LUZP2: variants seen among roughly 807,000 people sequenced by gnomAD.
LUZP2 encodes leucine zipper protein 2.
LUZP2 carries 52 observed loss-of-function variants against 51.6 expected under a neutral mutation model. The ratio of observed to expected loss-of-function variants is 1.01; its 90% CI spans 0.81 to 1.27. The LOEUF (loss-of-function observed/expected upper bound fraction) is 1.27. Ranked by LOEUF, LUZP2 falls within the 50% of genes most tolerant of loss-of-function variation. The pLI is 0.00. For synonymous variants in LUZP2, 154 were observed against 137.3 expected (o/e 1.12, Z -0.85); for missense variants, 436 against 395.4 (o/e 1.10, Z -0.87).
At chr11:24,971,912 G>A (rs1473980250) in intron 7 of LUZP2, among the ~76,000 whole-genome samples, 1 of 152,000 alleles carries the variant, frequency 6.6e-6, no homozygotes, top group East Asian at 1.9e-4. Context: ...GGCTGAGGCA[G>A]GCAGATCATC....
chr11:24,873,724 G>T (rs1246403523), intron 5 of LUZP2, among the ~76,000 whole-genome samples: 1 of 152,122 alleles, frequency 6.6e-6, no homozygotes, highest in African/African-American at 2.4e-5. Context: ...AAAGAGCCCA[G>T]GGCCTGGGTT....
At chr11:24,732,065 GA>G in intron 2 of LUZP2, 52 bp from the exon 3 acceptor site, 1 of 1,367,450 alleles carries the variant, frequency 7.3e-7, no homozygotes, top group South Asian at 1.2e-5. Flanking sequence ...AAGTTAAAGT[GA>G]GTCTCAATTT....
intron 9 of LUZP2, among the ~76,000 whole-genome samples, chr11:25,040,389 G>A (rs1448042563): frequency 2.6e-5 from 3 of 115,092 alleles, no homozygotes; most frequent in African/African-American, 1.4e-4. Context: ...TACCCCTGGG[G>A]AAATCATTAC....
At position 24,565,863 on chromosome 11, in the gene LUZP2, A is replaced by G. The variant is rs977706776; in HGVS notation, c.62+68558A>G. 1.4e-4 allele frequency among the ~76,000 whole-genome samples: 21 copies of G among 152,322 alleles called. 1 individual carries two copies. The Middle Eastern group carries it at 0.017, about 123-fold the overall frequency. ...TGGTTTCTTTATAGCATTAAAACAC[A>G]GAATATTTGTAAATTATGGTTTTTA... On this transcript the variant is annotated intron_variant, in intron 1 of 11. Coordinates refer to ENST00000336930, the MANE Select transcript of LUZP2 (RefSeq NM_001009909.4).
intron 7 of LUZP2, among the ~76,000 whole-genome samples, chr11:24,917,602 C>G (rs1041957249): frequency 1.1e-3 from 162 of 152,238 alleles, no homozygotes; most frequent in Non-Finnish European, 1.3e-3. Context: ...ATCTTTTCCC[C>G]ATTTCTTGTT....
At chr11:25,033,553 T>G (rs1449295878) in intron 9 of LUZP2, among the ~76,000 whole-genome samples, 2 of 152,112 alleles carry the variant, frequency 1.3e-5, no homozygotes, top group Admixed American at 6.6e-5. Flanking sequence ...TAATAGGTAG[T>G]TTTTGAACAC....
chr11:24,509,559 A>G (rs1850243603), intron 1 of LUZP2, among the ~76,000 whole-genome samples: 1 of 149,148 alleles, frequency 6.7e-6, no homozygotes, highest in African/African-American at 2.4e-5. Flanking sequence ...ATTTTAATAA[A>G]TATATTACTC....
At chr11:24,983,041 A>C in intron 8 of LUZP2, 85 bp from the exon 9 acceptor site, 1 of 1,338,018 alleles carries the variant, frequency 7.5e-7, no homozygotes, top group South Asian at 1.4e-5. Flanking sequence ...TGTGGGGAGT[A>C]TAGGCTAAGA....
chr11:24,710,177 A>G (rs1355861619), intron 1 of LUZP2, among the ~76,000 whole-genome samples: 1 of 152,144 alleles, frequency 6.6e-6, no homozygotes, highest in Non-Finnish European at 1.5e-5. Flanking sequence ...TGATATTCTC[A>G]AAGGAAAAAA....
intron 1 of LUZP2, among the ~76,000 whole-genome samples, chr11:24,660,538 A>G (rs1202870570): frequency 6.6e-6 from 1 of 152,140 alleles, no homozygotes; most frequent in Non-Finnish European, 1.5e-5. Context: ...GAATTCACTG[A>G]TATCTTAAAT....
intron 7 of LUZP2, among the ~76,000 whole-genome samples, chr11:24,959,207 C>A (rs1211287796): frequency 8.5e-5 from 13 of 152,058 alleles, no homozygotes; most frequent in Non-Finnish European, 1.6e-4. Flanking sequence ...CAGCTTTGTT[C>A]TTTTGGCTTA....
intron 1 of LUZP2, among the ~76,000 whole-genome samples, chr11:24,570,437 T>C (rs1852395822): frequency 6.6e-6 from 1 of 152,088 alleles, no homozygotes; most frequent in Admixed American, 6.6e-5. Context: ...TTTATTTATT[T>C]ATTTCCTGTA....
chr11:25,028,642 A>C (rs79321388), intron 9 of LUZP2, among the ~76,000 whole-genome samples: 2,559 of 150,852 alleles, frequency 0.017, 37 homozygotes, highest in South Asian at 0.083. Flanking sequence ...ATCGTGTACC[A>C]TTTTTTATTT....
At chr11:24,806,726 A>G (rs766822272) in intron 5 of LUZP2, among the ~76,000 whole-genome samples, 42 of 152,108 alleles carry the variant, frequency 2.8e-4, no homozygotes, top group Non-Finnish European at 5.0e-4. Context: ...CAATTCTCCC[A>G]ATAGCTTTTA....
At position 24,767,972 on chromosome 11, in the gene LUZP2, C is replaced by CTT. The variant is rs35024641; in HGVS notation, c.396+4673_396+4674dup. The stretch of plus-strand genomic sequence containing the variant: ...AAACACCCTTTCTATAGTATCATTT[C>CTT]TTTTTTTTTTGAATTTTATTTATTT... On this transcript the variant is annotated intron_variant, in intron 5 of 11. Coordinates refer to ENST00000336930, the MANE Select transcript of LUZP2 (RefSeq NM_001009909.4). 2.2e-3 allele frequency among the ~76,000 whole-genome samples: 337 copies of CTT among 150,238 alleles called. 1 individual carries two copies. Among genetic ancestry groups the CTT allele is most frequent in the African/African-American group, 7.9e-3 (319 of 40,460 alleles).
intron 1 of LUZP2, among the ~76,000 whole-genome samples, chr11:24,527,439 TTCTC>T (rs146120410): frequency 0.14 from 21,650 of 151,118 alleles, 2,242 homozygotes; most frequent in African/African-American, 0.28. Context: ...TACAATCACT[TTCTC>T]TCTGACAAGT....
At chr11:24,504,330 C>T (rs1412206235) in intron 1 of LUZP2, among the ~76,000 whole-genome samples, 2 of 152,100 alleles carry the variant, frequency 1.3e-5, no homozygotes, top group Non-Finnish European at 2.9e-5. Flanking sequence ...GGTTACATTA[C>T]ATTTTCTTTG....
At chr11:24,919,804 C>G (rs1165829869) in intron 7 of LUZP2, among the ~76,000 whole-genome samples, 2 of 150,596 alleles carry the variant, frequency 1.3e-5, no homozygotes, top group Non-Finnish European at 3.0e-5. Flanking sequence ...ATTATTGCTA[C>G]CTAGTACAGG....
At chr11:24,774,900 G>A (rs1401697588) in intron 5 of LUZP2, among the ~76,000 whole-genome samples, 1 of 148,542 alleles carries the variant, frequency 6.7e-6, no homozygotes, top group Non-Finnish European at 1.5e-5. Flanking sequence ...TCCCTCTAGA[G>A]AATCGTGACT....
Sources: allele counts gnomAD v4.1 joint callset (sites outside exome capture counted in the v4.1 genomes callset), GRCh38; gene constraint gnomAD v4.1.1; transcripts MANE v1.5; gene names NCBI Gene and HGNC (gene_info 2026-07-23, HGNC 2026-07-21).